HUWE1: variants seen among roughly 807,000 people sequenced by gnomAD.
HUWE1 encodes the protein HECT, UBA and WWE domain containing E3 ubiquitin protein ligase 1.
HUWE1 carries 18 observed loss-of-function variants against 299.4 expected under a neutral mutation model. The observed-to-expected ratio is 0.06, with a 90% confidence interval of 0.04 to 0.09. The LOEUF (loss-of-function observed/expected upper bound fraction) is 0.09. Ranked by LOEUF, HUWE1 falls within the 10% of genes least tolerant of loss-of-function variation. The probability of loss-of-function intolerance (pLI) is 1.00; values close to 1 mark genes in which losing one functional copy is unlikely to be tolerated. For missense variants in HUWE1, 1,832 were observed against 3,462.3 expected, an observed-to-expected ratio of 0.53 and a Z score of 11.82; for synonymous variants, 1,317 against 1,286.1, an observed-to-expected ratio of 1.02 and a Z score of -0.51.
intron 49 of HUWE1, among the ~76,000 whole-genome samples, chrX:53,566,625 A>AT (rs2062589586): frequency 3.6e-5 from 4 of 110,808 alleles, no homozygotes; most frequent in South Asian, 3.8e-4. Flanking sequence ...TAATTATTGT[A>AT]TTTTTTTGCA....
intron 4 of HUWE1, among the ~76,000 whole-genome samples, chrX:53,653,313 A>G (rs1293504424): frequency 8.9e-6 from 1 of 112,227 alleles, no homozygotes; most frequent in African/African-American, 3.2e-5. Context: ...ATTGCCTCAC[A>G]TCAAGAAGGA....
intron 4 of HUWE1, among the ~76,000 whole-genome samples, chrX:53,649,521 T>C (rs1557038678): frequency 8.9e-6 from 1 of 112,197 alleles, no homozygotes; most frequent in East Asian, 2.8e-4. Flanking sequence ...TCCAAACCTT[T>C]TCTCCCTCTA....
intron 60 of HUWE1, among the ~76,000 whole-genome samples, chrX:53,555,786 C>G (rs1024994516): frequency 2.7e-5 from 3 of 109,144 alleles, no homozygotes; most frequent in African/African-American, 1.0e-4. Flanking sequence ...GGACCACAGG[C>G]GAGTGTCACC....
At chrX:53,535,858 C>G (rs781863519) in intron 80 of HUWE1, 12 of 372,980 alleles carry the variant, frequency 3.2e-5, no homozygotes, top group African/African-American at 1.0e-4. Flanking sequence ...ATTTTCCCCC[C>G]ACTTACATTT....
chrX:53,564,403 T>C (rs190311882), intron 51 of HUWE1, among the ~76,000 whole-genome samples, 171 bp downstream of exon 51: 125 of 111,562 alleles, frequency 1.1e-3, no homozygotes, highest in African/African-American at 3.9e-3. Flanking sequence ...ACCCCTCTTT[T>C]AATACAGTAC....
At chrX:53,597,857 A>G (rs782745837) in intron 29 of HUWE1, among the ~76,000 whole-genome samples, 2 of 107,541 alleles carry the variant, frequency 1.9e-5, no homozygotes, top group African/African-American at 3.4e-5. Context: ...GAACATCACG[A>G]AAGTCTGGAA....
In HUWE1 at chrX:53,645,732, AAAAAATATATATATATATATATATAT is replaced by A. The variant is rs1245298642; in HGVS notation, c.352-295_352-270del. Among the ~76,000 whole-genome samples the A allele has an allele frequency of 8.5e-4, 15 of 17,746 alleles. 3 individuals carry two copies. Among genetic ancestry groups the A allele is most frequent in the African/African-American group, 2.5e-3 (15 of 6,121 alleles). 15.4% of individuals were successfully genotyped at this position (17,746 alleles called of 115,157 possible). ...TGTCTCAAAAAAAGAAAAAAAAAAAAAAAAATATATATATATATATATATATATATATATATATATATATGTATTTG... is the reference window on the plus strand; with the variant it reads ...TGTCTCAAAAAAAGAAAAAAAAAAAAATATATATATATATATATGTATTTG... On this transcript the variant is annotated intron_variant, in intron 6 of 83. Coordinates refer to ENST00000262854, the MANE Select transcript of HUWE1 (RefSeq NM_031407.7).
At chrX:53,625,124 A>G in intron 18 of HUWE1, 33 bp downstream of exon 18, 1 of 906,977 alleles carries the variant, frequency 1.1e-6, no homozygotes, top group African/African-American at 1.9e-5. Context: ...AGAGTAAAAT[A>G]TCCTCCAAAA....
At chrX:53,574,516 T>C (rs966648708) in intron 46 of HUWE1, among the ~76,000 whole-genome samples, 11 of 112,539 alleles carry the variant, frequency 9.8e-5, no homozygotes, top group Admixed American at 2.8e-4. Flanking sequence ...GTCTGCCACA[T>C]AGTGGGTAAT....
At chrX:53,600,515 A>G (rs2064764889) in intron 28 of HUWE1, among the ~76,000 whole-genome samples, 2 of 112,532 alleles carry the variant, frequency 1.8e-5, no homozygotes, top group South Asian at 7.3e-4. Flanking sequence ...ACATCTTCAA[A>G]TGACAGCATA....
At position 53,555,893 on chromosome X, in the gene HUWE1, C is replaced by T. The variant is rs782342743; in HGVS notation, c.8207-973G>A. Among the ~76,000 whole-genome samples, 381 of 110,905 alleles carry T rather than the reference C, an allele frequency of 3.4e-3. 2 individuals carry two copies. Among genetic ancestry groups the T allele is most frequent in the Non-Finnish European group, 4.2e-3 (223 of 52,923 alleles). ...CTGACCTCAGGTGATCCACCCGCCT[C>T]GGCCTCCCAAAAATGCTGGGATTAC... On this transcript the variant is annotated intron_variant, in intron 60 of 83. Transcript: ENST00000262854.
In HUWE1 at chrX:53,647,498, T is replaced by C. The variant is rs1175260420; in HGVS notation, c.221A>G (p.Asn74Ser). Residue 74 changes from asparagine to serine, a missense_variant, in exon 6 of 84, where the codon AAT (asparagine) becomes AGT (serine). Asn to Ser is a conservative substitution (Grantham distance 46, BLOSUM62 1). Transcript: ENST00000262854. ...ILADAGQTVE[N>S]MSWMLVCDRP... The stretch of plus-strand genomic sequence containing the variant: ...ATCACATACGAGCATCCATGACATA[T>C]TCTCCACTGTCTGTCCAGCATCTGC... The C allele has an allele frequency of 8.3e-7, 1 of 1,208,041 alleles. No individual in the cohort carries two copies. Among genetic ancestry groups the C allele is most frequent in the East Asian group, 3.0e-5 (1 of 33,826 alleles).
At chrX:53,645,736 AATATATATATATATAT>A (rs1175668846) in intron 6 of HUWE1, among the ~76,000 whole-genome samples, 5 of 26,132 alleles carry the variant, frequency 1.9e-4, no homozygotes, top group East Asian at 1.5e-3. Flanking sequence ...AAAAAAAAAA[AATATATATATATATAT>A]ATATATATAT....
chrX:53,646,723 T>C (rs782717124), intron 6 of HUWE1, among the ~76,000 whole-genome samples: 54 of 112,294 alleles, frequency 4.8e-4, no homozygotes, highest in African/African-American at 1.6e-3. Flanking sequence ...AAGTTGTTTG[T>C]TCTGATTCTG....
intron 7 of HUWE1, 37 bp downstream of exon 7, chrX:53,645,274 A>ATTTT: frequency 8.3e-7 from 1 of 1,204,139 alleles, no homozygotes; most frequent in East Asian, 3.0e-5. Flanking sequence ...ATATGCTCCA[A>ATTTT]TTTTTGCACC....
At chrX:53,545,235 G>A in intron 70 of HUWE1, 74 bp from the exon 71 acceptor site, 1 of 1,026,696 alleles carries the variant, frequency 9.7e-7, no homozygotes. Context: ...ATCTCTCTAA[G>A]ACACCTGCTT....
At chrX:53,640,001 G>C (rs782143723) in intron 7 of HUWE1, among the ~76,000 whole-genome samples, 4 of 112,671 alleles carry the variant, frequency 3.6e-5, no homozygotes, top group Admixed American at 9.4e-5. Flanking sequence ...GAATGTGTTT[G>C]TTGCAAAGGA....
chrX:53,539,606 C>A (rs1556916529), intron 75 of HUWE1, 51 bp downstream of exon 75: 1 of 1,163,328 alleles, frequency 8.6e-7, no homozygotes, highest in South Asian at 1.8e-5. Context: ...GCAGGAAGGG[C>A]CCCAGAGCAG....
chrX:53,648,928 G>C (rs1259996688), intron 4 of HUWE1, among the ~76,000 whole-genome samples: 1 of 112,015 alleles, frequency 8.9e-6, no homozygotes, highest in East Asian at 2.8e-4. Flanking sequence ...GGGTCCATTT[G>C]TCAGGTAACA....
Sources: allele counts gnomAD v4.1 joint callset (sites outside exome capture counted in the v4.1 genomes callset), GRCh38; gene constraint gnomAD v4.1.1; transcripts MANE v1.5; gene names NCBI Gene and HGNC (gene_info 2026-07-23, HGNC 2026-07-21).